TTC34: variants seen among roughly 807,000 people sequenced by gnomAD.
The protein encoded by TTC34 is tetratricopeptide repeat domain 34.
In TTC34, 44 loss-of-function variants were observed where a neutral mutation model predicts 40.7. The ratio of observed to expected loss-of-function variants is 1.08; its 90% CI spans 0.85 to 1.39. The LOEUF is 1.39. Ranked by LOEUF, TTC34 falls within the 40% of genes most tolerant of loss-of-function variation. The pLI, the probability that TTC34 is intolerant of heterozygous loss-of-function variation, is 0.00. For synonymous variants in TTC34, 422 were observed against 398.6 expected (o/e 1.06, Z -0.70); for missense variants, 884 against 838.0 (o/e 1.05, Z -0.68).
At chr1:2,698,729 C>G (rs1315010654) in intron 6 of TTC34, among the ~76,000 whole-genome samples, 2 of 140,792 alleles carry the variant, frequency 1.4e-5, no homozygotes, top group Admixed American at 1.4e-4. Context: ...CACCAACAAC[C>G]CCAGGCTTGC....
intron 2 of TTC34, among the ~76,000 whole-genome samples, chr1:2,798,984 T>C (rs1318230228): frequency 8.2e-6 from 1 of 122,160 alleles, no homozygotes; most frequent in African/African-American, 3.2e-5. Context: ...CCTCTCAGCC[T>C]CCAAGCCTCC....
chr1:2,792,006 C>CTTTTTTGTTTTTTTTTTTT (rs1643668279), intron 2 of TTC34, among the ~76,000 whole-genome samples: 1 of 39,522 alleles, frequency 2.5e-5, no homozygotes, highest in African/African-American at 8.4e-5. Context: ...TTGCCATATG[C>CTTTTTTGTTTTTTTTTTTT]TTTTTTTTTT....
At chr1:2,672,773 A>C (rs1639747747) in intron 6 of TTC34, among the ~76,000 whole-genome samples, 2 of 88,654 alleles carry the variant, frequency 2.3e-5, no homozygotes, top group Admixed American at 2.2e-4. Flanking sequence ...AGCATCTGAC[A>C]ACCTGGAGCA....
chr1:2,682,120 T>C (rs1640108492), intron 6 of TTC34, among the ~76,000 whole-genome samples: 3 of 144,168 alleles, frequency 2.1e-5, no homozygotes, highest in Non-Finnish European at 4.6e-5. Flanking sequence ...CAGGTGAGCA[T>C]CTGACAGCCT....
At chr1:2,683,547 C>A (rs1423518187) in intron 6 of TTC34, among the ~76,000 whole-genome samples, 1 of 53,218 alleles carries the variant, frequency 1.9e-5, no homozygotes, top group African/African-American at 5.7e-5. Context: ...GGAGCAGCAC[C>A]CACAACCACA....
chr1:2,647,406 A>G (rs1436341913), intron 6 of TTC34, among the ~76,000 whole-genome samples: 2 of 152,114 alleles, frequency 1.3e-5, no homozygotes, highest in Non-Finnish European at 2.9e-5. Context: ...GGGCAGATCC[A>G]GAGGTCAGGA....
intron 6 of TTC34, among the ~76,000 whole-genome samples, chr1:2,761,134 C>A (rs1488510248): frequency 8.0e-5 from 4 of 49,718 alleles, no homozygotes; most frequent in Non-Finnish European, 1.3e-4. Context: ...CCCAGGTGAG[C>A]ATCCGACAGC....
intron 6 of TTC34, among the ~76,000 whole-genome samples, chr1:2,765,715 C>A (rs1342034558): frequency 4.0e-5 from 2 of 49,410 alleles, no homozygotes; most frequent in Non-Finnish European, 6.5e-5. Context: ...AGCATGCACA[C>A]CCCCAGGCGA....
intron 6 of TTC34, among the ~76,000 whole-genome samples, chr1:2,753,380 AGG>A: frequency 7.6e-6 from 1 of 131,116 alleles, no homozygotes; most frequent in South Asian, 2.6e-4. Context: ...CCACACCCCC[AGG>A]CGAGCATCTG....
chr1:2,750,275 AGCCCAG>A (rs1641272085), intron 6 of TTC34, among the ~76,000 whole-genome samples: 1 of 59,744 alleles, frequency 1.7e-5, no homozygotes, highest in South Asian at 6.2e-4. Context: ...CCTGGAAAAG[AGCCCAG>A]ACCCCCAGGT....
Position 2,748,887 on chromosome 1 carries a change from G to A in TTC34, c.2226+34722C>T, listed in dbSNP as rs1369859954. On this transcript the variant is annotated intron_variant, in intron 6 of 8. Coordinates refer to ENST00000401095, the Ensembl canonical transcript of TTC34. ...TTTGGAGCAGCACCCACACCTTCAG[G>A]TGAGCATCTGACAGCCTGGAACAGA... is the stretch of plus-strand genomic sequence containing the variant. 3.0e-5 allele frequency among the ~76,000 whole-genome samples: 4 copies of A among 131,970 alleles called. 2 individuals are homozygous for A. Among genetic ancestry groups the A allele is most frequent in the Non-Finnish European group, 6.3e-5 (4 of 63,418 alleles). 86.6% of individuals were successfully genotyped at this position (131,970 alleles called of 152,430 possible). A position where few individuals can be genotyped will look rare whatever the true frequency, so the allele number is the denominator to read the frequency against.
chr1:2,690,621 C>CACAGGTGAGCATCTGA (rs1640574719), intron 6 of TTC34, among the ~76,000 whole-genome samples: 1 of 142,474 alleles, frequency 7.0e-6, no homozygotes, highest in Non-Finnish European at 1.5e-5. Context: ...CACTGACAAC[C>CACAGGTGAGCATCTGA]CCAGGTGAGC....
chr1:2,772,996 C>G (rs1223983511), intron 6 of TTC34, among the ~76,000 whole-genome samples: 1 of 148,314 alleles, frequency 6.7e-6, no homozygotes, highest in Non-Finnish European at 1.5e-5. Flanking sequence ...GAGCATCTGA[C>G]AGCCTGGAGC....
intron 2 of TTC34, among the ~76,000 whole-genome samples, chr1:2,799,486 T>C (rs1643750114): frequency 6.6e-6 from 1 of 151,800 alleles, no homozygotes. Flanking sequence ...GAGGTTGCGG[T>C]GAGCCGAGAT....
chr1:2,749,221 C>A (rs1641239755), intron 6 of TTC34, among the ~76,000 whole-genome samples: 1 of 73,088 alleles, frequency 1.4e-5, no homozygotes, highest in Non-Finnish European at 2.3e-5. Flanking sequence ...GAGCATCTGA[C>A]AACCTGGAGC....
rs1639013199 is a variant in TTC34, at chr1:2,645,951, G to A, written c.2227-388C>T. Reference sequence around the variant, plus strand: ...TCCACGCCTGTCCCTCCCCACAGGGGCATCTGTCACCTCACAGTGGGGGAC... The same window carrying A: ...TCCACGCCTGTCCCTCCCCACAGGGACATCTGTCACCTCACAGTGGGGGAC... On this transcript the variant is annotated intron_variant, in intron 6 of 8. Transcript: ENST00000401095. This position sits in a 1 kb window ranked among gnomAD's most constrained non-coding sequence, Gnocchi z 4.7. Among the ~76,000 whole-genome samples the A allele has an allele frequency of 2.0e-5, 3 of 152,082 alleles. 1 individual carries two copies. In the South Asian group the frequency reaches 6.2e-4, roughly 32 times the overall value.
rs1257701056 is a variant in TTC34 at position 2,783,719 on chromosome 1, G to A, written c.2116C>T (p.Gln706Ter). 6.5e-7 allele frequency: 1 copy of A among 1,545,514 alleles called. No homozygotes were observed. ...AAGTCGAACATGGCCGTCTTCTTCT[G>A]GCCCAGGAACCCATAGCAGCGGGCT... Residue 706 changes from glutamine to a stop codon, truncating the protein, a stop_gained, in exon 6 of 9, where the codon CAG (glutamine) becomes TAG (stop). Transcript: ENST00000401095. LOFTEE classifies it high-confidence loss of function.
chr1:2,652,795 CAGCAACCACACCCCCAGACG>C (rs1639195285), intron 6 of TTC34, among the ~76,000 whole-genome samples: 1 of 149,962 alleles, frequency 6.7e-6, no homozygotes, highest in Non-Finnish European at 1.5e-5. Context: ...CAGCCTGGAG[CAGCAACCACACCCCCAGACG>C]AGCATCTGAC....
At chr1:2,673,303 A>G (rs1570783871) in intron 6 of TTC34, among the ~76,000 whole-genome samples, 5 of 77,932 alleles carry the variant, frequency 6.4e-5, no homozygotes, top group Non-Finnish European at 1.3e-4. Context: ...ACAGCCTGGA[A>G]CAGCACTCAC....
Sources: gnomAD v4.1 joint callset for allele counts (sites outside exome capture counted in the v4.1 genomes callset) on GRCh38, gnomAD v4.1.1 for gene constraint, Gnocchi (gnomAD v3.1) non-coding constraint, MANE v1.5 for transcripts, NCBI Gene and HGNC (gene_info 2026-07-23, HGNC 2026-07-21) for gene names.